PCP4: variants seen among roughly 807,000 people sequenced by gnomAD.
The protein encoded by PCP4 is Purkinje cell protein 4, also known as calmodulin regulator protein PCP4.
PCP4 carries 8 observed loss-of-function variants against 10.0 expected under a neutral mutation model. That is an observed-to-expected ratio of 0.80 (90% CI 0.47 to 1.45). The LOEUF is 1.45. Ranked by LOEUF, PCP4 falls within the 40% of genes most tolerant of loss-of-function variation. The pLI is 0.00. For missense variants in PCP4, 54 were observed against 74.4 expected (o/e 0.73, Z 1.01); for synonymous variants, 21 against 23.0 (o/e 0.91, Z 0.24).
intron 1 of PCP4, among the ~76,000 whole-genome samples, chr21:39,893,229 T>C (rs923501615): frequency 2.8e-4 from 43 of 152,190 alleles, no homozygotes; most frequent in African/African-American, 9.4e-4. Flanking sequence ...GACTAATATA[T>C]ATTCTTCACT....
At position 39,929,137 on chromosome 21, in the gene PCP4, T is replaced by C. The variant is rs2087639175; in HGVS notation, c.*26T>C. 1.9e-6 allele frequency: 3 copies of C among 1,592,964 alleles called. No individual in the cohort carries two copies. The highest frequency in any genetic ancestry group is 1.1e-5 in the South Asian group (1 of 88,006). ...TGGGAGAACCCCCTCCTAGTCCACC[T>C]GAAAACACCAAATTCAACCATCATC... On this transcript the variant is annotated 3_prime_UTR_variant, in exon 3 of 3. Coordinates refer to ENST00000328619, the MANE Select transcript of PCP4 (RefSeq NM_006198.3).
chr21:39,898,675 G>A, intron 2 of PCP4, 148 bp downstream of exon 2: 1 of 627,974 alleles, frequency 1.6e-6, no homozygotes. Flanking sequence ...AATTCACAGT[G>A]AGCACTGAGG....
At chr21:39,875,468 C>T (rs2087340677) in intron 1 of PCP4, among the ~76,000 whole-genome samples, 1 of 152,186 alleles carries the variant, frequency 6.6e-6, no homozygotes, top group Non-Finnish European at 1.5e-5. Context: ...CATAACTCTG[C>T]ATCTTCCAGA....
intron 2 of PCP4, among the ~76,000 whole-genome samples, chr21:39,910,047 C>T (rs1035704194): frequency 6.6e-6 from 1 of 152,136 alleles, no homozygotes; most frequent in Non-Finnish European, 1.5e-5. Context: ...CTGCCCGCCT[C>T]GGCCTCCCAA....
intron 2 of PCP4, among the ~76,000 whole-genome samples, chr21:39,928,703 T>G (rs1479246231): frequency 3.3e-5 from 5 of 152,122 alleles, no homozygotes; most frequent in Admixed American, 2.6e-4. Flanking sequence ...AAACCATATA[T>G]CAAGATGGTC....
At chr21:39,898,062 AAAAAAG>A (rs1322193745) in intron 1 of PCP4, among the ~76,000 whole-genome samples, 2 of 151,746 alleles carry the variant, frequency 1.3e-5, no homozygotes, top group Admixed American at 6.6e-5. Flanking sequence ...AAAAAAAAAA[AAAAAAG>A]AAGACATTGG....
chr21:39,927,617 C>T (rs1479256934), intron 2 of PCP4, among the ~76,000 whole-genome samples: 1 of 152,198 alleles, frequency 6.6e-6, no homozygotes, highest in Non-Finnish European at 1.5e-5. Context: ...CTCAGAATGC[C>T]TCCAGTTCTC....
intron 2 of PCP4, among the ~76,000 whole-genome samples, chr21:39,913,822 A>G (rs990680360): frequency 6.6e-6 from 1 of 152,210 alleles, no homozygotes; most frequent in African/African-American, 2.4e-5. Flanking sequence ...CGTCTACCGA[A>G]TAGTCTTGTG....
intron 2 of PCP4, among the ~76,000 whole-genome samples, chr21:39,918,999 T>C (rs2299786): frequency 0.87 from 132,485 of 152,246 alleles, 57,930 homozygotes; most frequent in Middle Eastern, 0.95. Context: ...ATTGTTATAA[T>C]TTTTTTTCCT....
intron 1 of PCP4, among the ~76,000 whole-genome samples, chr21:39,879,381 T>G (rs1016750018): frequency 6.6e-6 from 1 of 152,186 alleles, no homozygotes; most frequent in Non-Finnish European, 1.5e-5. Flanking sequence ...TCCAGGTTCC[T>G]TCTTTGCCGT....
At chr21:39,868,594 A>G (rs1462919073) in intron 1 of PCP4, among the ~76,000 whole-genome samples, 3 of 152,208 alleles carry the variant, frequency 2.0e-5, no homozygotes, top group African/African-American at 4.8e-5. Flanking sequence ...TGGTACCTGT[A>G]ACAGCAGCTA....
chr21:39,914,870 A>G (rs779057873), intron 2 of PCP4, among the ~76,000 whole-genome samples: 42 of 152,340 alleles, frequency 2.8e-4, no homozygotes, highest in Admixed American at 1.1e-3. Flanking sequence ...GAGTCCTAGA[A>G]GGTGGTGAGC....
intron 2 of PCP4, among the ~76,000 whole-genome samples, chr21:39,918,932 A>C (rs1328019323): frequency 1.3e-5 from 2 of 152,144 alleles, no homozygotes; most frequent in Non-Finnish European, 2.9e-5. Context: ...TTAAATTGGC[A>C]TTTCATAAAG....
chr21:39,877,214 A>T (rs988404169), intron 1 of PCP4, among the ~76,000 whole-genome samples: 1 of 152,128 alleles, frequency 6.6e-6, no homozygotes, highest in East Asian at 1.9e-4. Flanking sequence ...GAATATTTTT[A>T]TTAGCCTTGA....
chr21:39,921,107 C>T (rs771439509), intron 2 of PCP4, among the ~76,000 whole-genome samples: 5 of 152,356 alleles, frequency 3.3e-5, no homozygotes, highest in African/African-American at 7.2e-5. Flanking sequence ...TCAGACCACT[C>T]GCCGAACTCA....
At chr21:39,907,982 G>C (rs1408722425) in intron 2 of PCP4, among the ~76,000 whole-genome samples, 1 of 152,130 alleles carries the variant, frequency 6.6e-6, no homozygotes, top group Non-Finnish European at 1.5e-5. Flanking sequence ...CCTGGCCTTT[G>C]GGCCAGGTCA....
intron 1 of PCP4, among the ~76,000 whole-genome samples, chr21:39,885,718 C>G (rs183633388): frequency 5.9e-5 from 9 of 152,250 alleles, no homozygotes; most frequent in African/African-American, 1.4e-4. Flanking sequence ...TCCCCTGGGA[C>G]AGGACGCCAG....
intron 1 of PCP4, among the ~76,000 whole-genome samples, chr21:39,870,148 C>G (rs75133876): frequency 6.6e-6 from 1 of 152,218 alleles, no homozygotes; most frequent in Non-Finnish European, 1.5e-5. Flanking sequence ...AAGGGAGCCT[C>G]GAACTGGCTT....
chr21:39,905,440 C>G (rs2087502300), intron 2 of PCP4, among the ~76,000 whole-genome samples: 1 of 152,160 alleles, frequency 6.6e-6, no homozygotes, highest in South Asian at 2.1e-4. Flanking sequence ...GCATTTAAAG[C>G]CATCGCAGTC....
Sources: allele counts gnomAD v4.1 joint callset (sites outside exome capture counted in the v4.1 genomes callset), GRCh38; gene constraint gnomAD v4.1.1; transcripts MANE v1.5; gene names NCBI Gene and HGNC (gene_info 2026-07-23, HGNC 2026-07-21).